The following DAB1 variants were observed in gnomAD, a reference collection of about 807,000 sequenced individuals.
DAB1 encodes the protein DAB adaptor protein 1.
DAB1 carries 15 observed loss-of-function variants against 64.6 expected under a neutral mutation model. The ratio of observed to expected loss-of-function variants is 0.23; its 90% CI spans 0.16 to 0.36. The LOEUF is 0.36. Among genes scored for constraint, DAB1 ranks in the 10% least tolerant of loss-of-function variants. The pLI, the probability that DAB1 is intolerant of heterozygous loss-of-function variation, is 1.00. For missense variants in DAB1, 596 were observed against 706.7 expected, an observed-to-expected ratio of 0.84 and a Z score of 1.78; for synonymous variants, 235 against 251.9, an observed-to-expected ratio of 0.93 and a Z score of 0.64.
chr1:58,433,084 G>C (rs1051560298), intron 3 of DAB1, among the ~76,000 whole-genome samples: 2 of 152,202 alleles, frequency 1.3e-5, no homozygotes, highest in Admixed American at 1.3e-4. Flanking sequence ...AGCAGAGCTT[G>C]AGCAGCCAAG....
intron 4 of DAB1, among the ~76,000 whole-genome samples, chr1:58,248,660 C>A (rs149916415): frequency 1.3e-5 from 2 of 152,266 alleles, no homozygotes; most frequent in Non-Finnish European, 2.9e-5. Flanking sequence ...CACTACATGT[C>A]CCCTGCAAGA....
intron 4 of DAB1, among the ~76,000 whole-genome samples, chr1:58,290,416 G>A (rs1196026485): frequency 6.6e-6 from 1 of 152,106 alleles, no homozygotes; most frequent in Non-Finnish European, 1.5e-5. Flanking sequence ...GGGAAGAGGG[G>A]ACTGTAAATT....
chr1:58,283,418 C>T (rs748282494), intron 4 of DAB1, among the ~76,000 whole-genome samples: 5 of 152,078 alleles, frequency 3.3e-5, no homozygotes, highest in Non-Finnish European at 5.9e-5. Flanking sequence ...CTGTCTCTGT[C>T]CCCATAGCTT....
chr1:57,430,520 C>A (rs1028199744), intron 7 of DAB1, among the ~76,000 whole-genome samples: 1 of 152,004 alleles, frequency 6.6e-6, no homozygotes, highest in African/African-American at 2.4e-5. Flanking sequence ...GGACCACAGG[C>A]GCCCGCCACC....
At chr1:57,275,381 G>T (rs1671377356) in intron 2 of DAB1, among the ~76,000 whole-genome samples, 1 of 152,184 alleles carries the variant, frequency 6.6e-6, no homozygotes, top group African/African-American at 2.4e-5. Context: ...AGAATTCTAA[G>T]AAGAGAATAT....
chr1:57,090,950 A>C (rs976408051), intron 4 of DAB1, among the ~76,000 whole-genome samples: 1 of 151,964 alleles, frequency 6.6e-6, no homozygotes, highest in South Asian at 2.1e-4. Flanking sequence ...TACGTTGCAC[A>C]CTCCTTACGA....
intron 3 of DAB1, among the ~76,000 whole-genome samples, chr1:58,490,771 G>C (rs907208446): frequency 1.4e-5 from 2 of 145,814 alleles, no homozygotes; most frequent in African/African-American, 2.5e-5. Flanking sequence ...AGCCAGAAGA[G>C]AGTGGGGGCC....
At chr1:57,851,997 C>T (rs912684832) in intron 1 of DAB1, among the ~76,000 whole-genome samples, 2 of 152,194 alleles carry the variant, frequency 1.3e-5, no homozygotes, top group East Asian at 1.9e-4. Flanking sequence ...AGTGCCTTGG[C>T]GTGCTGAGCA....
intron 10 of DAB1, among the ~76,000 whole-genome samples, chr1:57,025,300 C>T (rs1362933127): frequency 6.6e-6 from 1 of 152,194 alleles, no homozygotes; most frequent in Admixed American, 6.5e-5. Context: ...TTTTCGTTTT[C>T]AAATTAGGTT....
chr1:58,295,019 T>C (rs144564038), intron 4 of DAB1, among the ~76,000 whole-genome samples: 23 of 152,178 alleles, frequency 1.5e-4, no homozygotes, highest in South Asian at 4.2e-4. Context: ...AAGCACTTTA[T>C]GGGGAACGCT....
chr1:58,104,084 C>A (rs981255410), intron 5 of DAB1, among the ~76,000 whole-genome samples: 4 of 152,208 alleles, frequency 2.6e-5, no homozygotes, highest in Non-Finnish European at 5.9e-5. Context: ...GAAGGATTCT[C>A]CAACAGCTGC....
chr1:57,161,647 T>C (rs1489245645), intron 2 of DAB1, among the ~76,000 whole-genome samples: 5 of 152,358 alleles, frequency 3.3e-5, no homozygotes, highest in African/African-American at 1.2e-4. Context: ...GTATTTCAGT[T>C]CTTTTAAACA....
chr1:57,858,459 T>A (rs1653858044), intron 1 of DAB1, among the ~76,000 whole-genome samples: 2 of 152,080 alleles, frequency 1.3e-5, no homozygotes, highest in Admixed American at 1.3e-4. Context: ...GTAGTATTGT[T>A]CTTAGTCTGC....
chr1:57,783,854 T>C (rs1395922321), intron 6 of DAB1, among the ~76,000 whole-genome samples: 2 of 152,184 alleles, frequency 1.3e-5, no homozygotes, highest in African/African-American at 4.8e-5. Context: ...AATGGATAGA[T>C]GTTGAGTGTG....
intron 7 of DAB1, among the ~76,000 whole-genome samples, chr1:57,445,270 A>G (rs1388808370): frequency 1.3e-5 from 2 of 152,162 alleles, no homozygotes; most frequent in Admixed American, 1.3e-4. Flanking sequence ...TAGAGCATAC[A>G]TATATATGCA....
At chr1:57,348,925 C>T (rs1012275519) in intron 1 of DAB1, among the ~76,000 whole-genome samples, 1 of 152,132 alleles carries the variant, frequency 6.6e-6, no homozygotes, top group Non-Finnish European at 1.5e-5. Context: ...CACCATGCTC[C>T]TCCCACAGAA....
intron 3 of DAB1, chr1:58,481,207 T>C (rs764532980): frequency 3.2e-5 from 22 of 695,520 alleles, no homozygotes; most frequent in Non-Finnish European, 4.9e-5. Flanking sequence ...AAAAATACTA[T>C]ATATATACAT....
At chr1:57,876,809 G>A (rs1569900059) in intron 1 of DAB1, 1 of 152,272 alleles carries the variant, frequency 6.6e-6, no homozygotes, top group Admixed American at 6.5e-5. Flanking sequence ...GAAGACAGGA[G>A]AAACTTCTCA....
intron 3 of DAB1, among the ~76,000 whole-genome samples, chr1:58,413,596 C>A (rs748246626): frequency 1.3e-5 from 2 of 152,094 alleles, no homozygotes; most frequent in Non-Finnish European, 2.9e-5. Context: ...TTGTGCAGTC[C>A]CAACCATGCT....
Sources: allele counts gnomAD v4.1 joint callset (sites outside exome capture counted in the v4.1 genomes callset), GRCh38; gene constraint gnomAD v4.1.1; transcripts MANE v1.5; gene names NCBI Gene and HGNC (gene_info 2026-07-23, HGNC 2026-07-21).